Variants in UGT2B11 observed in about 807,000 individuals in gnomAD.
The protein encoded by UGT2B11 is UDP-glucuronosyltransferase 2B11.
A neutral mutation model predicts 51.7 loss-of-function variants in UGT2B11; 49 were observed. The observed-to-expected ratio is 0.95, with a 90% CI of 0.75 to 1.20. The LOEUF (loss-of-function observed/expected upper bound fraction) is 1.20, where lower values mean the gene tolerates loss of function less well. Ranked by LOEUF, UGT2B11 falls within the 50% of genes most tolerant of loss-of-function variation. UGT2B11 has a pLI of 0.00. For synonymous variants in UGT2B11, 273 were observed against 209.0 expected (o/e 1.31, Z -2.64); for missense variants, 810 against 622.1 (o/e 1.30, Z -3.21).
the UGT2B11 span, among the ~76,000 whole-genome samples, chr4:69,224,578 G>A: frequency 6.6e-6 from 1 of 152,176 alleles, no homozygotes; most frequent in East Asian, 1.9e-4. Flanking sequence ...AGAATTGCAA[G>A]CCAAAGAGGT....
Position 69,214,239 on chromosome 4 carries a change from C to T in UGT2B11, c.484G>A (p.Ala162Thr), listed in dbSNP as rs762758397. Residue 162 changes from alanine (A) to threonine (T), a missense_variant, in exon 1 of 6, where the codon GCG becomes ACG. Transcript: ENST00000446444. ...TACACAAACCGTATGTTAAGTAGCG[C>T]AGCCAGCAGCTCACCACAGGGAAAA... ...AVFPCGELLAALLNIRFVYSL... is the reference protein window; with the variant it reads ...AVFPCGELLATLLNIRFVYSL... 20 of 1,613,270 alleles carry T rather than the reference C, an allele frequency of 1.2e-5. No homozygotes were observed. The highest frequency in any genetic ancestry group is 1.7e-5 in the Non-Finnish European group (20 of 1,179,490).
chr4:69,206,971 C>T (rs928392739), intron 3 of UGT2B11, among the ~76,000 whole-genome samples: 4 of 151,532 alleles, frequency 2.6e-5, no homozygotes, highest in African/African-American at 7.3e-5. Context: ...TGTATAACTT[C>T]ATTGGAATTA....
At chr4:69,209,023 CT>C (rs964004739) in intron 2 of UGT2B11, among the ~76,000 whole-genome samples, 19 of 151,564 alleles carry the variant, frequency 1.3e-4, no homozygotes, top group Non-Finnish European at 7.4e-5. Flanking sequence ...CTCTACAATG[CT>C]TTATGCTTCA....
At chr4:69,222,814 T>C in the UGT2B11 span, among the ~76,000 whole-genome samples, 1 of 152,144 alleles carries the variant, frequency 6.6e-6, no homozygotes. Context: ...GGGCCCAAAT[T>C]CTCCTCCTAC....
upstream of UGT2B11, among the ~76,000 whole-genome samples, chr4:69,218,098 T>C (rs1213289497): frequency 6.6e-6 from 1 of 152,210 alleles, no homozygotes; most frequent in Non-Finnish European, 1.5e-5. Context: ...AATTGAATTA[T>C]ATCCTAATTT....
chr4:69,216,678 G>T (rs1202961592), upstream of UGT2B11: 1 of 151,420 alleles, frequency 6.6e-6, no homozygotes, highest in African/African-American at 2.4e-5. Flanking sequence ...CTCTAACTTG[G>T]TACATATCAA....
intron 2 of UGT2B11, among the ~76,000 whole-genome samples, chr4:69,212,179 T>C (rs995084359): frequency 6.6e-6 from 1 of 151,696 alleles, no homozygotes; most frequent in African/African-American, 2.4e-5. Context: ...TTTCTATATA[T>C]CAAAGTAGAA....
the UGT2B11 span, among the ~76,000 whole-genome samples, chr4:69,221,720 C>T: frequency 6.6e-6 from 1 of 152,200 alleles, no homozygotes; most frequent in Admixed American, 6.5e-5. Flanking sequence ...TGAGGACAGT[C>T]ATCTGGGGCA....
chr4:69,222,379 G>A, the UGT2B11 span, among the ~76,000 whole-genome samples: 1 of 151,858 alleles, frequency 6.6e-6, no homozygotes, highest in Non-Finnish European at 1.5e-5. Context: ...CTTTGTAATT[G>A]TGGATAGCAT....
chr4:69,222,323 C>G, the UGT2B11 span, among the ~76,000 whole-genome samples: 4 of 152,232 alleles, frequency 2.6e-5, no homozygotes, highest in Non-Finnish European at 4.4e-5. Context: ...TTTCTTAGGG[C>G]CTTCCTTAGC....
chr4:69,224,277 A>G, the UGT2B11 span, among the ~76,000 whole-genome samples: 667 of 152,088 alleles, frequency 4.4e-3, 4 homozygotes, highest in African/African-American at 0.015. Flanking sequence ...ACACTCAGTA[A>G]CCCTTGCAGG....
upstream of UGT2B11, chr4:69,216,681 C>T (rs965714825): frequency 4.0e-5 from 6 of 151,598 alleles, no homozygotes; most frequent in Admixed American, 1.3e-4. Flanking sequence ...TAACTTGGTA[C>T]ATATCAATAT....
the UGT2B11 span, among the ~76,000 whole-genome samples, chr4:69,222,222 T>A: frequency 6.6e-6 from 1 of 152,226 alleles, no homozygotes; most frequent in Non-Finnish European, 1.5e-5. Flanking sequence ...AGTTTTGGAG[T>A]TTTCTCCTAA....
chr4:69,200,526 C>A lies in UGT2B11; in HGVS notation c.1504G>T (p.Ala502Ser), dbSNP rs1397714079. ...TTTGTGATGATAAATATCACAGTTG[C>A]CACACAGGCCAGCAGAAACCCAATC... ...DVIGFLLACV[A>S]TVIFIITKFC... is the part of the protein sequence containing the mutation. The change falls in exon 6 of 6, where the codon GCA becomes TCA. Residue 502 changes from alanine (A) to serine (S), a missense_variant. Physicochemically the swap from Ala to Ser is moderately conservative, Grantham distance 99. Transcript: ENST00000446444. 2 of 1,612,222 alleles carry A rather than the reference C, an allele frequency of 1.2e-6. No individual in the cohort carries two copies. The highest frequency in any genetic ancestry group is 1.7e-6 in the Non-Finnish European group (2 of 1,178,920).
chr4:69,222,179 A>G, the UGT2B11 span, among the ~76,000 whole-genome samples: 3 of 152,236 alleles, frequency 2.0e-5, no homozygotes, highest in South Asian at 6.2e-4. Flanking sequence ...CAGGTTTAAT[A>G]ATATCTCTAA....
chr4:69,223,212 C>T, the UGT2B11 span, among the ~76,000 whole-genome samples: 2 of 152,222 alleles, frequency 1.3e-5, no homozygotes, highest in African/African-American at 4.8e-5. Context: ...TCAGCCACTT[C>T]TTTTTTAAGG....
upstream of UGT2B11, among the ~76,000 whole-genome samples, chr4:69,218,072 A>G (rs1264078998): frequency 1.3e-5 from 2 of 152,188 alleles, no homozygotes; most frequent in South Asian, 2.1e-4. Flanking sequence ...GGAGCACTCA[A>G]ACATTCAAAC....
chr4:69,212,827 ATGT>A (rs1722124226), intron 1 of UGT2B11, 106 bp from the exon 2 acceptor site: 2 of 1,197,066 alleles, frequency 1.7e-6, no homozygotes, highest in African/African-American at 3.2e-5. Context: ...GGTAAAGTTT[ATGT>A]GCTTTGAAAA....
upstream of UGT2B11, among the ~76,000 whole-genome samples, chr4:69,217,358 A>G (rs1032842963): frequency 6.6e-6 from 1 of 152,156 alleles, no homozygotes; most frequent in Non-Finnish European, 1.5e-5. Context: ...CTGAAATGAG[A>G]TAAGTCTTTC....
Sources: gnomAD v4.1 joint callset for allele counts (sites outside exome capture counted in the v4.1 genomes callset) on GRCh38, gnomAD v4.1.1 for gene constraint, MANE v1.5 for transcripts, NCBI Gene and HGNC (gene_info 2026-07-23, HGNC 2026-07-21) for gene names.